Variants in SLAMF9 observed in about 807,000 individuals in gnomAD.
SLAMF9 encodes CD2 family member 10.
A neutral mutation model predicts 30.4 loss-of-function variants in SLAMF9; 25 were observed. The ratio of observed to expected loss-of-function variants is 0.82; its 90% confidence interval spans 0.60 to 1.15. SLAMF9 has a LOEUF of 1.15. Among genes scored for constraint, SLAMF9 ranks in the 50% most tolerant of loss-of-function variants. SLAMF9 has a pLI of 0.00. For synonymous variants in SLAMF9, 129 were observed against 127.2 expected, an observed-to-expected ratio of 1.01 and a Z score of -0.09; for missense variants, 344 against 346.1, an observed-to-expected ratio of 0.99 and a Z score of 0.05.
the SLAMF9 span, chr1:159,977,065 T>C: frequency 1.3e-5 from 2 of 152,076 alleles, no homozygotes; most frequent in African/African-American, 4.8e-5. Flanking sequence ...ATGAACAACA[T>C]GACCGGGAAG....
chr1:159,952,313 G>T lies in SLAMF9; in HGVS notation c.613C>A (p.Pro205Thr), dbSNP rs752943141. 1 of 1,614,112 alleles carries T rather than the reference G, an allele frequency of 6.2e-7. No homozygotes were observed. The highest frequency in any genetic ancestry group is 8.5e-7 in the Non-Finnish European group (1 of 1,180,004). The change falls in exon 3 of 4, where the codon CCC (proline) becomes ACC (threonine). Residue 205 changes from proline (P) to threonine (T), a missense_variant. Physicochemically the swap from Pro to Thr is conservative, Grantham distance 38 (BLOSUM62 -1). Transcript: ENST00000368093. ...GGGCAAGAACTGACGTTGCTGATGGGGTTGTTGGCTCTGCAGGTGTAGGAG... is the reference window on the plus strand; with the variant it reads ...GGGCAAGAACTGACGTTGCTGATGGTGTTGTTGGCTCTGCAGGTGTAGGAG... The part of the protein sequence containing the change: ...ALSYTCRANN[P>T]ISNVSSCPIP...
At chr1:159,955,756 G>A (rs1398147633), upstream of SLAMF9, among the ~76,000 whole-genome samples, 1 of 152,192 alleles carries the variant, frequency 6.6e-6, no homozygotes, top group Non-Finnish European at 1.5e-5. Flanking sequence ...AGTCAGGAGG[G>A]TTGGGGAAAA....
At chr1:159,983,501 T>TTTTTTG in the SLAMF9 span, 3 of 152,154 alleles carry the variant, frequency 2.0e-5, no homozygotes, top group African/African-American at 7.2e-5. Context: ...CCTTGGTTTG[T>TTTTTTG]TTTTTGTTTT....
the SLAMF9 span, chr1:159,965,645 G>A: frequency 2.6e-5 from 4 of 152,008 alleles, no homozygotes; most frequent in Admixed American, 2.0e-4. Flanking sequence ...TTTCTAATAA[G>A]GTATGTACCT....
At chr1:159,954,694 A>G (rs1651885364), upstream of SLAMF9, among the ~76,000 whole-genome samples, 1 of 152,186 alleles carries the variant, frequency 6.6e-6, no homozygotes, top group Non-Finnish European at 1.5e-5. Context: ...TTTATAATGG[A>G]TGAATGATTA....
At chr1:159,971,739 G>A in the SLAMF9 span, among the ~76,000 whole-genome samples, 1 of 152,158 alleles carries the variant, frequency 6.6e-6, no homozygotes. Context: ...GCAGTAGAAA[G>A]TGGGCGTCCT....
At chr1:159,954,730 G>C (rs1307215959), upstream of SLAMF9, among the ~76,000 whole-genome samples, 2 of 152,122 alleles carry the variant, frequency 1.3e-5, no homozygotes, top group Non-Finnish European at 2.9e-5. Context: ...AGCTAGTTAT[G>C]TTCCCACCTG....
At chr1:159,967,224 T>C in the SLAMF9 span, among the ~76,000 whole-genome samples, 2 of 152,298 alleles carry the variant, frequency 1.3e-5, no homozygotes, top group East Asian at 3.9e-4. Context: ...ATGTGCCATG[T>C]TGGTTTGCTG....
chr1:159,973,787 T>G, the SLAMF9 span: 2 of 1,613,498 alleles, frequency 1.2e-6, no homozygotes, highest in Non-Finnish European at 1.7e-6. Flanking sequence ...ACTCCCAAGC[T>G]GGTGACTTAC....
Position 159,953,341 on chromosome 1 carries a change from G to A in SLAMF9, c.359C>T (p.Ser120Phe), listed in dbSNP as rs182565844. 6.2e-7 allele frequency: 1 copy of A among 1,610,180 alleles called. No individual in the cohort carries two copies. Among genetic ancestry groups the A allele is most frequent in the Admixed American group, 1.7e-5 (1 of 59,972 alleles). Residue 120 changes from serine (S) to phenylalanine (F), a missense_variant, in exon 2 of 4, where the codon TCT becomes TTT. Coordinates refer to ENST00000368093, the MANE Select transcript of SLAMF9 (RefSeq NM_033438.4). Reference sequence around the variant, plus strand: ...ACATATATTGTACTGCTGCATGGTAGAGATCTGGGATGTTCTCAGGTTGAC... The same window carrying A: ...ACATATATTGTACTGCTGCATGGTAAAGATCTGGGATGTTCTCAGGTTGAC... ...AQVNLRTSQI[S>F]TMQQYNICVY...
In SLAMF9 at chr1:159,953,404, T is replaced by C; in HGVS notation, c.296A>G (p.Asn99Ser). ...LDPSYSLHISNLSWEDSGLYQ... is the reference protein window; with the variant it reads ...LDPSYSLHISSLSWEDSGLYQ... ...AAGCCCTGAATCCTCCCAGCTCAGA[T>C]TGCTGATATGCAGGGAATAGCTGGG... The change falls in exon 2 of 4, where the codon AAT becomes AGT. Residue 99 changes from asparagine (N) to serine (S), a missense_variant. Physicochemically the swap from Asn to Ser is conservative, Grantham distance 46. Coordinates refer to ENST00000368093, the MANE Select transcript of SLAMF9 (RefSeq NM_033438.4). 6.2e-7 allele frequency: 1 copy of C among 1,614,240 alleles called. No homozygotes were observed. The highest frequency in any genetic ancestry group is 8.5e-7 in the Non-Finnish European group (1 of 1,180,036).
upstream of SLAMF9, among the ~76,000 whole-genome samples, chr1:159,954,842 G>A (rs1162203919): frequency 1.4e-4 from 21 of 152,184 alleles, no homozygotes; most frequent in Non-Finnish European, 8.8e-5. Flanking sequence ...ACTTTGGGAG[G>A]CCGAGGCAGG....
At chr1:159,982,413 C>T in the SLAMF9 span, among the ~76,000 whole-genome samples, 13 of 152,226 alleles carry the variant, frequency 8.5e-5, no homozygotes, top group Admixed American at 2.6e-4. Flanking sequence ...CCCTTCCTGC[C>T]GCACACTCAC....
the SLAMF9 span, among the ~76,000 whole-genome samples, chr1:159,970,456 C>T: frequency 1.3e-5 from 2 of 152,186 alleles, no homozygotes; most frequent in African/African-American, 4.8e-5. Context: ...GTAGGAACAG[C>T]AGGGCCATTT....
At chr1:159,974,542 G>A in the SLAMF9 span, among the ~76,000 whole-genome samples, 1 of 152,158 alleles carries the variant, frequency 6.6e-6, no homozygotes, top group Non-Finnish European at 1.5e-5. Flanking sequence ...GATTGAAGGA[G>A]CCTGATCTGG....
At chr1:159,974,249 C>T in the SLAMF9 span, among the ~76,000 whole-genome samples, 1 of 152,066 alleles carries the variant, frequency 6.6e-6, no homozygotes, top group Non-Finnish European at 1.5e-5. Context: ...CCTTTTACTC[C>T]CTCTCCTCCC....
chr1:159,954,209 G>T lies in SLAMF9; in HGVS notation c.-72C>A. On this transcript the variant is annotated 5_prime_UTR_variant, in exon 1 of 4. Transcript: ENST00000368093. Reference sequence around the variant, plus strand: ...CAGGACTGTGCAGAAGACTGCATTAGGAGGCTCCTAGACACAAAGAGCCTG... The same window carrying T: ...CAGGACTGTGCAGAAGACTGCATTATGAGGCTCCTAGACACAAAGAGCCTG... 1 of 1,572,064 alleles carries T rather than the reference G, an allele frequency of 6.4e-7. No homozygotes were observed. Among genetic ancestry groups the T allele is most frequent in the South Asian group, 1.1e-5 (1 of 88,972 alleles).
the SLAMF9 span, among the ~76,000 whole-genome samples, chr1:159,976,086 A>AGT: frequency 0.032 from 4,778 of 148,340 alleles, 226 homozygotes; most frequent in African/African-American, 0.11. Context: ...TATAGGTTGT[A>AGT]GTGTGTGTGT....
In SLAMF9 at chr1:159,954,072, G is replaced by A. The variant is rs1179778338; in HGVS notation, c.46+20C>T. The A allele has an allele frequency of 1.2e-5, 19 of 1,613,702 alleles. No homozygotes were observed. Among genetic ancestry groups the A allele is most frequent in the South Asian group, 3.3e-5 (3 of 91,056 alleles). On this transcript the variant is annotated intron_variant, in intron 1 of 3. Coordinates refer to ENST00000368093, the MANE Select transcript of SLAMF9 (RefSeq NM_033438.4). The stretch of plus-strand genomic sequence containing the variant: ...AGGTGTAGGGGACATTCCTGTGCAC[G>A]AGCTGGCAGCTTCACTCACCCTCCT...
Sources: allele counts gnomAD v4.1 joint callset (sites outside exome capture counted in the v4.1 genomes callset), GRCh38; gene constraint gnomAD v4.1.1; transcripts MANE v1.5; gene names NCBI Gene and HGNC (gene_info 2026-07-23, HGNC 2026-07-21).